Variants in CCSER1 observed in about 807,000 individuals in gnomAD.
CCSER1 encodes coiled-coil serine rich protein 1.
A neutral mutation model predicts 82.0 loss-of-function variants in CCSER1; 41 were observed. The observed-to-expected ratio is 0.50, with a 90% CI of 0.39 to 0.65. The LOEUF is 0.65. CCSER1 is among the 30% of genes least tolerant of loss of function. The pLI is 0.00. For missense variants in CCSER1, 1,119 were observed against 1,064.2 expected, an observed-to-expected ratio of 1.05 and a Z score of -0.72; for synonymous variants, 414 against 383.9, an observed-to-expected ratio of 1.08 and a Z score of -0.92.
chr4:90,357,044 G>A (rs1026057979), intron 3 of CCSER1, among the ~76,000 whole-genome samples: 4 of 151,878 alleles, frequency 2.6e-5, no homozygotes, highest in African/African-American at 7.2e-5. Context: ...AAAAATGGTG[G>A]TGCCTGCCTC....
chr4:91,396,400 G>A, intron 10 of CCSER1, among the ~76,000 whole-genome samples: 1 of 152,078 alleles, frequency 6.6e-6, no homozygotes, highest in East Asian at 1.9e-4. Flanking sequence ...AACTTAGTAA[G>A]CTATCACTTA....
At chr4:90,927,337 A>G (rs558818507) in intron 9 of CCSER1, among the ~76,000 whole-genome samples, 1 of 152,176 alleles carries the variant, frequency 6.6e-6, no homozygotes, top group South Asian at 2.1e-4. Context: ...AACATTTAAT[A>G]AGAAGCCATT....
At chr4:91,094,841 C>T (rs979060429) in intron 10 of CCSER1, among the ~76,000 whole-genome samples, 3 of 152,082 alleles carry the variant, frequency 2.0e-5, no homozygotes, top group African/African-American at 7.2e-5. Flanking sequence ...AACTCCTGTT[C>T]CTGGTAACTT....
intron 8 of CCSER1, among the ~76,000 whole-genome samples, chr4:90,890,466 G>C (rs772306993): frequency 6.6e-6 from 1 of 152,080 alleles, no homozygotes; most frequent in African/African-American, 2.4e-5. Flanking sequence ...AGCCAGTACC[G>C]GACTGTCTTT....
At chr4:91,044,373 T>C (rs192594706) in intron 9 of CCSER1, among the ~76,000 whole-genome samples, 3 of 152,346 alleles carry the variant, frequency 2.0e-5, no homozygotes, top group Non-Finnish European at 2.9e-5. Context: ...GGAGGAAATA[T>C]AATCCTACAG....
chr4:90,588,966 C>T (rs529862007), intron 5 of CCSER1, among the ~76,000 whole-genome samples: 1 of 152,200 alleles, frequency 6.6e-6, no homozygotes, highest in African/African-American at 2.4e-5. Flanking sequence ...AACTGGTATG[C>T]AAATAAGCAG....
chr4:90,663,380 C>T (rs896267772), intron 6 of CCSER1, among the ~76,000 whole-genome samples: 4 of 152,156 alleles, frequency 2.6e-5, no homozygotes, highest in African/African-American at 4.8e-5. Flanking sequence ...TTCCAAAGCT[C>T]GGAGTGTTTC....
At chr4:91,152,853 C>G (rs1305730102) in intron 10 of CCSER1, among the ~76,000 whole-genome samples, 2 of 151,988 alleles carry the variant, frequency 1.3e-5, no homozygotes, top group African/African-American at 4.8e-5. Context: ...AGCCCCCACT[C>G]TCTTCTGGCT....
At chr4:90,178,755 G>T (rs190880461) in intron 1 of CCSER1, among the ~76,000 whole-genome samples, 1 of 152,072 alleles carries the variant, frequency 6.6e-6, no homozygotes, top group African/African-American at 2.4e-5. Context: ...TTCTTTCAAG[G>T]CTCATGAACT....
At chr4:90,729,109 C>G (rs949085061) in intron 7 of CCSER1, among the ~76,000 whole-genome samples, 5 of 152,112 alleles carry the variant, frequency 3.3e-5, no homozygotes, top group African/African-American at 1.2e-4. Context: ...AAAATGACAA[C>G]AGCAACTACT....
chr4:91,147,317 A>G (rs2148943272), intron 10 of CCSER1, among the ~76,000 whole-genome samples: 1 of 152,292 alleles, frequency 6.6e-6, no homozygotes, highest in South Asian at 2.1e-4. Context: ...GAGTCTCTCC[A>G]GCACCTGCCC....
intron 8 of CCSER1, among the ~76,000 whole-genome samples, chr4:90,889,080 A>G (rs1047062685): frequency 1.3e-4 from 20 of 152,194 alleles, no homozygotes; most frequent in Admixed American, 1.2e-3. Context: ...AAATCAAGAT[A>G]TACAAAAAAG....
chr4:91,586,889 T>C (rs1365783436), intron 10 of CCSER1, among the ~76,000 whole-genome samples: 1 of 151,826 alleles, frequency 6.6e-6, no homozygotes, highest in Non-Finnish European at 1.5e-5. Flanking sequence ...TATTGCATAC[T>C]TAGTTTATTT....
chr4:90,207,522 A>C (rs536381467), intron 1 of CCSER1, among the ~76,000 whole-genome samples: 1 of 152,134 alleles, frequency 6.6e-6, no homozygotes, highest in Admixed American at 6.5e-5. Context: ...TTCACCACCC[A>C]GTTTTGTTCC....
chr4:91,152,774 A>G lies in CCSER1; in HGVS notation c.2217+66780A>G, dbSNP rs142477711. ...AAAGGATTTTGTTTCTCCTTCCCTT[A>G]TGAAGCTTAGTTTGGCTGGTTATGA... On this transcript the variant is annotated intron_variant, in intron 10 of 10. Transcript: ENST00000509176. Among the ~76,000 whole-genome samples, 1,163 of 148,910 alleles carry G rather than the reference A, an allele frequency of 7.8e-3. 22 individuals carry two copies. Among genetic ancestry groups the G allele is most frequent in the Non-Finnish European group, 0.013 (838 of 65,462 alleles).
chr4:91,018,477 G>C (rs1209294880), intron 9 of CCSER1, among the ~76,000 whole-genome samples: 1 of 152,018 alleles, frequency 6.6e-6, no homozygotes, highest in African/African-American at 2.4e-5. Context: ...AACTTCCTTA[G>C]CAGGCAGAGT....
intron 10 of CCSER1, among the ~76,000 whole-genome samples, chr4:91,432,940 C>T (rs1459926669): frequency 6.6e-6 from 1 of 151,974 alleles, no homozygotes; most frequent in African/African-American, 2.4e-5. Flanking sequence ...GGATCTAATA[C>T]GAGTATGTAT....
chr4:91,421,299 C>T (rs1478597974), intron 10 of CCSER1, among the ~76,000 whole-genome samples: 1 of 152,074 alleles, frequency 6.6e-6, no homozygotes, highest in African/African-American at 2.4e-5. Flanking sequence ...CCAGGAAAGC[C>T]TATGGTGTAA....
At chr4:90,875,880 A>C (rs572498922) in intron 8 of CCSER1, among the ~76,000 whole-genome samples, 1 of 152,180 alleles carries the variant, frequency 6.6e-6, no homozygotes, top group Non-Finnish European at 1.5e-5. Context: ...AATATAACCA[A>C]ACAAAATTAA....
Sources: gnomAD v4.1 joint callset for allele counts (sites outside exome capture counted in the v4.1 genomes callset) on GRCh38, gnomAD v4.1.1 for gene constraint, MANE v1.5 for transcripts, NCBI Gene and HGNC (gene_info 2026-07-23, HGNC 2026-07-21) for gene names.